ADGRL3: variants seen among roughly 807,000 people sequenced by gnomAD.
ADGRL3 encodes calcium-independent alpha-latrotoxin receptor 3.
ADGRL3 carries 62 observed loss-of-function variants against 153.5 expected under a neutral mutation model. That is an observed-to-expected ratio of 0.40 (90% CI 0.33 to 0.50). The LOEUF (loss-of-function observed/expected upper bound fraction) is 0.50. Ranked by LOEUF, ADGRL3 falls within the 20% of genes least tolerant of loss-of-function variation. The pLI, the probability that ADGRL3 is intolerant of heterozygous loss-of-function variation, is 0.47. For missense variants in ADGRL3, 1,641 were observed against 1,859.4 expected (o/e 0.88, Z 2.16); for synonymous variants, 710 against 672.5 (o/e 1.06, Z -0.86).
chr4:61,901,971 A>G (rs1203980300), intron 11 of ADGRL3, among the ~76,000 whole-genome samples: 1 of 152,190 alleles, frequency 6.6e-6, no homozygotes, highest in Non-Finnish European at 1.5e-5. Context: ...TCTTTAAGCT[A>G]TGAGATGTGG....
intron 1 of ADGRL3, among the ~76,000 whole-genome samples, chr4:61,203,776 A>G (rs544775832): frequency 1.3e-5 from 2 of 152,172 alleles, no homozygotes; most frequent in East Asian, 1.9e-4. Flanking sequence ...CTGGCGCCCA[A>G]TTTATCTGCA....
In ADGRL3 at chr4:61,987,145, TTTTA is replaced by T. The variant is rs869244263; in HGVS notation, c.3236+3550_3236+3553del. Among the ~76,000 whole-genome samples the T allele has an allele frequency of 2.3e-3, 341 of 146,050 alleles. 2 individuals carry two copies. The highest frequency in any genetic ancestry group is 2.5e-3 in the Admixed American group (36 of 14,486). ...TTTTATTTTATTTTATTTTATTTTA[TTTTA>T]TTTATTTTATTTTATTTTATTTTAT... On this transcript the variant is annotated intron_variant, in intron 19 of 26. Transcript: ENST00000683033.
intron 8 of ADGRL3, among the ~76,000 whole-genome samples, chr4:61,776,837 T>G (rs2097157103): frequency 6.6e-6 from 1 of 152,082 alleles, no homozygotes; most frequent in African/African-American, 2.4e-5. Flanking sequence ...TCAACAAGAG[T>G]CTTCTTGAAT....
At chr4:62,011,061 C>T (rs1029444722) in intron 21 of ADGRL3, among the ~76,000 whole-genome samples, 3 of 151,938 alleles carry the variant, frequency 2.0e-5, no homozygotes, top group South Asian at 2.1e-4. Flanking sequence ...TTTATTTTAG[C>T]GTAGTTTCAG....
chr4:61,717,566 A>G (rs2096146184), intron 6 of ADGRL3, among the ~76,000 whole-genome samples: 1 of 152,184 alleles, frequency 6.6e-6, no homozygotes. Context: ...AGTTCCTATC[A>G]AAAAGTCGTT....
intron 1 of ADGRL3, among the ~76,000 whole-genome samples, chr4:61,205,907 G>C (rs987813870): frequency 6.6e-6 from 1 of 152,158 alleles, no homozygotes; most frequent in African/African-American, 2.4e-5. Flanking sequence ...ACTCTGATCT[G>C]AGTGTCAGCA....
At chr4:61,970,371 A>G (rs1215770550) in intron 17 of ADGRL3, among the ~76,000 whole-genome samples, 4 of 152,054 alleles carry the variant, frequency 2.6e-5, no homozygotes, top group Non-Finnish European at 5.9e-5. Context: ...TTTTCTTTCT[A>G]TTGATTGATC....
intron 2 of ADGRL3, among the ~76,000 whole-genome samples, chr4:61,431,740 A>C (rs1019310539): frequency 6.6e-6 from 1 of 152,220 alleles, no homozygotes; most frequent in Non-Finnish European, 1.5e-5. Flanking sequence ...TTAAGTCATA[A>C]TATGGATGTC....
chr4:62,050,795 T>C (rs1342542542), intron 25 of ADGRL3, among the ~76,000 whole-genome samples: 1 of 151,926 alleles, frequency 6.6e-6, no homozygotes, highest in African/African-American at 2.4e-5. Context: ...AAATCATTGG[T>C]TGTAAATATT....
At chr4:61,682,545 CT>C (rs1224038694) in intron 6 of ADGRL3, among the ~76,000 whole-genome samples, 8 of 145,676 alleles carry the variant, frequency 5.5e-5, no homozygotes, top group Non-Finnish European at 8.9e-5. Flanking sequence ...GCTGGAGTTA[CT>C]TTCTTTCTTT....
intron 1 of ADGRL3, among the ~76,000 whole-genome samples, chr4:61,256,765 T>TA (rs1207546654): frequency 6.6e-6 from 1 of 152,178 alleles, no homozygotes; most frequent in African/African-American, 2.4e-5. Flanking sequence ...ACATCCAGGT[T>TA]AAAATCACAT....
In ADGRL3 at chr4:61,847,822, T is replaced by C. The variant is rs866499791; in HGVS notation, c.1480+33933T>C. Among the ~76,000 whole-genome samples, 6 of 17,194 alleles carry C rather than the reference T, an allele frequency of 3.5e-4. 1 individual carries two copies. The highest frequency in any genetic ancestry group is 9.9e-4 in the Admixed American group (1 of 1,010). The allele number at this position is 17,194 out of a possible 152,430, so 11.3% of individuals were successfully genotyped here. A position where few individuals can be genotyped will look rare whatever the true frequency, so the allele number is the denominator to read the frequency against. The stretch of plus-strand genomic sequence containing the variant: ...TAATATAAAATATATTATATATATA[T>C]AATATAAAATATATATATAATATAA... On this transcript the variant is annotated intron_variant, in intron 9 of 26. Transcript: ENST00000683033.
At chr4:61,949,473 G>A (rs1456701413) in intron 17 of ADGRL3, among the ~76,000 whole-genome samples, 3 of 152,114 alleles carry the variant, frequency 2.0e-5, no homozygotes, top group Non-Finnish European at 1.5e-5. Flanking sequence ...CAAGACGGGA[G>A]GATCATTCAG....
chr4:61,228,085 A>G (rs1748773761), intron 1 of ADGRL3, among the ~76,000 whole-genome samples: 1 of 152,194 alleles, frequency 6.6e-6, no homozygotes, highest in Non-Finnish European at 1.5e-5. Flanking sequence ...TCTTGTTCAA[A>G]TTTCACCAGC....
chr4:61,564,481 C>G (rs540934489), intron 4 of ADGRL3, among the ~76,000 whole-genome samples: 1 of 152,118 alleles, frequency 6.6e-6, no homozygotes, highest in Non-Finnish European at 1.5e-5. Flanking sequence ...TGCCCAGGTT[C>G]AGGCTCATCT....
In ADGRL3 at chr4:62,054,773, A is replaced by G. The variant is rs568783147; in HGVS notation, c.3814+10224A>G. On this transcript the variant is annotated intron_variant, in intron 25 of 26. Transcript: ENST00000683033. ...TTGTATAAAGAATGTCTACAAATTA[A>G]TAAATGAAATTCAACTGCCCAATAG... Among the ~76,000 whole-genome samples the G allele has an allele frequency of 9.2e-5, 14 of 151,798 alleles. No homozygotes were observed. The East Asian group carries it at 2.7e-3, about 29-fold the overall frequency.
chr4:61,823,988 G>A (rs986929146), intron 9 of ADGRL3, among the ~76,000 whole-genome samples: 1 of 152,128 alleles, frequency 6.6e-6, no homozygotes, highest in Non-Finnish European at 1.5e-5. Context: ...CTTGATCCTG[G>A]GAGGCAGAGG....
At chr4:61,612,101 A>T (rs1346880181) in intron 5 of ADGRL3, among the ~76,000 whole-genome samples, 1 of 152,160 alleles carries the variant, frequency 6.6e-6, no homozygotes, top group African/African-American at 2.4e-5. Flanking sequence ...TTTCTATTGG[A>T]AAATGTTCCC....
chr4:61,808,388 T>G (rs1460400650), intron 8 of ADGRL3, among the ~76,000 whole-genome samples: 1 of 152,158 alleles, frequency 6.6e-6, no homozygotes, highest in Non-Finnish European at 1.5e-5. Flanking sequence ...CAGTAACCTT[T>G]GCACCTCCAT....
Sources: allele counts gnomAD v4.1 joint callset (sites outside exome capture counted in the v4.1 genomes callset), GRCh38; gene constraint gnomAD v4.1.1; transcripts MANE v1.5; gene names NCBI Gene and HGNC (gene_info 2026-07-23, HGNC 2026-07-21).